The following CFAP69 variants were observed in gnomAD, a reference collection of about 807,000 sequenced individuals.
The protein encoded by CFAP69 is cilia and flagella associated protein 69.
CFAP69 carries 92 observed loss-of-function variants against 123.0 expected under a neutral mutation model. The ratio of observed to expected loss-of-function variants is 0.75; its 90% CI spans 0.63 to 0.89. CFAP69 has a LOEUF of 0.89. Ranked by LOEUF, CFAP69 falls within the 40% of genes least tolerant of loss-of-function variation. CFAP69 has a pLI of 0.00. For synonymous variants in CFAP69, 380 were observed against 364.3 expected (o/e 1.04, Z -0.49); for missense variants, 1,067 against 1,096.9 (o/e 0.97, Z 0.39).
chr7:90,289,361 C>T (rs74628137), intron 15 of CFAP69, among the ~76,000 whole-genome samples: 2,987 of 152,120 alleles, frequency 0.02, 98 homozygotes, highest in East Asian at 0.11. Context: ...GGACTTGTGC[C>T]AGTGTCTCTT....
At chr7:90,320,273 A>G in the CFAP69 span, 2 of 152,258 alleles carry the variant, frequency 1.3e-5, no homozygotes, top group Non-Finnish European at 2.9e-5. Context: ...TAAGTCTCAA[A>G]GTTACTGCTA....
chr7:90,305,384 C>CA lies in CFAP69; in HGVS notation c.2265+578dup, dbSNP rs200471433. Among the ~76,000 whole-genome samples the CA allele has an allele frequency of 5.8e-3, 781 of 134,954 alleles. 8 individuals are homozygous for CA. The highest frequency in any genetic ancestry group is 0.016 in the African/African-American group (572 of 35,944). The allele number at this position is 134,954 out of a possible 152,430, so 88.5% of individuals were successfully genotyped here. On this transcript the variant is annotated intron_variant, in intron 19 of 22. Coordinates refer to ENST00000389297, the MANE Select transcript of CFAP69 (RefSeq NM_001039706.3). ...GATATAAAACTGTTCAGAAGCCTAGCAAAAAAAAAAAAAATTATTTTTATG... is the reference window on the plus strand; with the variant it reads ...GATATAAAACTGTTCAGAAGCCTAGCAAAAAAAAAAAAAAATTATTTTTATG...
chr7:90,263,218 C>T (rs1157173910), intron 4 of CFAP69, among the ~76,000 whole-genome samples: 1 of 152,052 alleles, frequency 6.6e-6, no homozygotes, highest in Non-Finnish European at 1.5e-5. Context: ...TTTTTAGCTG[C>T]AGTCTTCATT....
intron 20 of CFAP69, 128 bp from the exon 21 acceptor site, chr7:90,307,640 T>G (rs1308647591): frequency 5.4e-6 from 3 of 557,256 alleles, no homozygotes; most frequent in Non-Finnish European, 9.3e-6. Flanking sequence ...CAGTCTTAAA[T>G]TTTTAAAAGG....
downstream of CFAP69, among the ~76,000 whole-genome samples, chr7:90,313,130 C>A (rs1452398175): frequency 6.6e-6 from 1 of 152,090 alleles, no homozygotes; most frequent in Non-Finnish European, 1.5e-5. Flanking sequence ...GTCAGATATC[C>A]AGTTTCTTTC....
rs1226299883 is a variant in CFAP69, at chr7:90,309,256, T to C, written c.2551-7T>C. On this transcript the variant is annotated splice_region_variant and splice_polypyrimidine_tract_variant and intron_variant, in intron 21 of 22. Coordinates refer to ENST00000389297, the MANE Select transcript of CFAP69 (RefSeq NM_001039706.3). ...TAATATTTTCTTTCTAATTTAAAAA[T>C]CCTCAGAAAGCAAAAAGCCTTCAAG... The C allele has an allele frequency of 7.3e-7, 1 of 1,368,448 alleles. No individual in the cohort carries two copies. Among genetic ancestry groups the C allele is most frequent in the Admixed American group, 2.3e-5 (1 of 42,708 alleles). 84.8% of individuals were successfully genotyped at this position (1,368,448 alleles called of 1,614,324 possible).
intron 22 of CFAP69, 124 bp from the exon 23 acceptor site, chr7:90,309,944 A>C (rs1178250785): frequency 1.4e-6 from 1 of 722,832 alleles, no homozygotes; most frequent in African/African-American, 1.8e-5. Context: ...ATTATACCAT[A>C]ACTGCCTCCT....
Position 90,245,288 on chromosome 7 carries a change from T to C in CFAP69, c.-137T>C, listed in dbSNP as rs938323161. The C allele has an allele frequency of 8.0e-7, 1 of 1,255,976 alleles. No homozygotes were observed. The highest frequency in any genetic ancestry group is 1.0e-6 in the Non-Finnish European group (1 of 962,756). The allele number at this position is 1,255,976 out of a possible 1,614,324, so 77.8% of individuals were successfully genotyped here. On this transcript the variant is annotated 5_prime_UTR_variant, in exon 1 of 23. Coordinates refer to ENST00000389297, the MANE Select transcript of CFAP69 (RefSeq NM_001039706.3). The stretch of plus-strand genomic sequence containing the variant: ...GCGGTGGCCTAGGCCCCTGGCGGAA[T>C]TTTGGGACCTTTCGCGACTCTAGCG...
Position 90,304,759 on chromosome 7 carries a change from C to T in CFAP69, c.2204C>T (p.Pro735Leu), listed in dbSNP as rs760951428. The T allele has an allele frequency of 4.3e-5, 69 of 1,597,898 alleles. No homozygotes were observed. The highest frequency in any genetic ancestry group is 5.9e-5 in the Non-Finnish European group (69 of 1,172,076). Residue 735 changes from proline (P) to leucine (L), a missense_variant, in exon 19 of 23, where the codon CCT becomes CTT. Pro to Leu is a moderately conservative substitution (Grantham distance 98, BLOSUM62 -3). Transcript: ENST00000389297. ...ILGKLDFENL[P>L]GLSAEDFVTL... ...TTTATTTTAGATTTTGAAAATTTAC[C>T]TGGCCTATCTGCTGAAGATTTTGTC...
rs1162409167 is a variant in CFAP69 at position 90,279,776 on chromosome 7, T to C, written c.1255T>C (p.Leu419=). The C allele has an allele frequency of 6.2e-7, 1 of 1,613,068 alleles. No individual in the cohort carries two copies. Among genetic ancestry groups the C allele is most frequent in the African/African-American group, 1.3e-5 (1 of 74,892 alleles). ...IDWSAAQHEE[L]QLHAIATLSS... ...CTGGTCTGCAGCACAGCATGAAGAATTACAACTGCATGCAATTGCCACTTT... is the reference window on the plus strand; with the variant it reads ...CTGGTCTGCAGCACAGCATGAAGAACTACAACTGCATGCAATTGCCACTTT... Residue 419 remains leucine, a synonymous_variant, in exon 12 of 23, where the codon TTA becomes CTA. Coordinates refer to ENST00000389297, the MANE Select transcript of CFAP69 (RefSeq NM_001039706.3).
At chr7:90,294,541 G>A (rs192302895) in intron 15 of CFAP69, among the ~76,000 whole-genome samples, 1 of 152,258 alleles carries the variant, frequency 6.6e-6, no homozygotes, top group East Asian at 1.9e-4. Context: ...CCTGGACCGG[G>A]GCCGCCATTG....
chr7:90,258,447 C>T (rs1372558909), intron 3 of CFAP69, among the ~76,000 whole-genome samples: 2 of 152,216 alleles, frequency 1.3e-5, no homozygotes, highest in Admixed American at 6.5e-5. Flanking sequence ...CATTCCTTGC[C>T]TCATGCCCTC....
chr7:90,291,478 C>T (rs567117228), intron 15 of CFAP69, among the ~76,000 whole-genome samples: 1 of 152,162 alleles, frequency 6.6e-6, no homozygotes, highest in African/African-American at 2.4e-5. Context: ...GACCTCCTAT[C>T]TCATCCTGTG....
chr7:90,263,797 A>G (rs1378370749), intron 4 of CFAP69, among the ~76,000 whole-genome samples: 1 of 152,016 alleles, frequency 6.6e-6, no homozygotes, highest in Non-Finnish European at 1.5e-5. Flanking sequence ...TTTTCTTGAA[A>G]AATATGAATT....
intron 3 of CFAP69, among the ~76,000 whole-genome samples, chr7:90,260,619 G>A (rs1469541065): frequency 2.0e-5 from 3 of 152,094 alleles, no homozygotes; most frequent in Non-Finnish European, 2.9e-5. Flanking sequence ...TCAGGAAAAT[G>A]TTTCTTATAA....
intron 15 of CFAP69, among the ~76,000 whole-genome samples, chr7:90,296,457 A>C (rs1383798618): frequency 1.3e-5 from 2 of 151,926 alleles, no homozygotes; most frequent in East Asian, 3.9e-4. Flanking sequence ...GCTCCTGAAT[A>C]ACTGGGATTA....
chr7:90,314,203 A>C (rs552553386), downstream of CFAP69, among the ~76,000 whole-genome samples: 4 of 152,192 alleles, frequency 2.6e-5, no homozygotes, highest in Non-Finnish European at 2.9e-5. Context: ...ATCCTGGAAC[A>C]ACAATAACAA....
At chr7:90,283,691 A>G (rs1476454098) in intron 13 of CFAP69, among the ~76,000 whole-genome samples, 4 of 152,180 alleles carry the variant, frequency 2.6e-5, no homozygotes, top group African/African-American at 9.6e-5. Flanking sequence ...TTTGTTATTT[A>G]AAAAATAAAT....
intron 15 of CFAP69, among the ~76,000 whole-genome samples, chr7:90,291,921 T>C (rs960507861): frequency 3.9e-5 from 6 of 152,200 alleles, no homozygotes; most frequent in Admixed American, 6.6e-5. Flanking sequence ...TGAGCAGCAG[T>C]CAGAGATCAC....
Sources: gnomAD v4.1 joint callset for allele counts (sites outside exome capture counted in the v4.1 genomes callset) on GRCh38, gnomAD v4.1.1 for gene constraint, MANE v1.5 for transcripts, NCBI Gene and HGNC (gene_info 2026-07-23, HGNC 2026-07-21) for gene names.